The following ADAMTS19 variants were observed in gnomAD, a reference collection of about 807,000 sequenced individuals.
The protein encoded by ADAMTS19 is A disintegrin and metalloproteinase with thrombospondin motifs 19.
ADAMTS19 carries 93 observed loss-of-function variants against 153.3 expected under a neutral mutation model. The ratio of observed to expected loss-of-function variants is 0.61; its 90% CI spans 0.51 to 0.72. The LOEUF is 0.72. Among genes scored for constraint, ADAMTS19 ranks in the 30% least tolerant of loss-of-function variants. The probability of loss-of-function intolerance (pLI) is 0.00; values close to 1 mark genes in which losing one functional copy is unlikely to be tolerated. For missense variants in ADAMTS19, 1,482 were observed against 1,552.1 expected (o/e 0.95, Z 0.76); for synonymous variants, 600 against 556.6 (o/e 1.08, Z -1.10).
intron 7 of ADAMTS19, among the ~76,000 whole-genome samples, chr5:129,588,192 A>T (rs1749916021): frequency 6.6e-6 from 1 of 152,134 alleles, no homozygotes; most frequent in African/African-American, 2.4e-5. Context: ...TTTGATCCAT[A>T]CATTATTTAA....
At chr5:129,582,506 T>C (rs1462653417) in intron 7 of ADAMTS19, among the ~76,000 whole-genome samples, 1 of 152,106 alleles carries the variant, frequency 6.6e-6, no homozygotes, top group Non-Finnish European at 1.5e-5. Context: ...GAGAAGGGTC[T>C]CATGAATACA....
At chr5:129,534,480 A>C (rs1234713443) in intron 6 of ADAMTS19, among the ~76,000 whole-genome samples, 1 of 152,202 alleles carries the variant, frequency 6.6e-6, no homozygotes, top group Non-Finnish European at 1.5e-5. Flanking sequence ...TCACAGCCGA[A>C]TTCTACCAGA....
At chr5:129,622,172 G>C in intron 9 of ADAMTS19, 26 bp from the exon 10 acceptor site, 3 of 1,613,702 alleles carry the variant, frequency 1.9e-6, no homozygotes, top group South Asian at 1.1e-5. Context: ...AAATTCAAAA[G>C]TTTACACATA....
intron 3 of ADAMTS19, among the ~76,000 whole-genome samples, chr5:129,515,635 GA>G: frequency 6.6e-6 from 1 of 151,880 alleles, no homozygotes; most frequent in Non-Finnish European, 1.5e-5. Flanking sequence ...TTTGCATGTT[GA>G]TTTTGTATTC....
intron 10 of ADAMTS19, among the ~76,000 whole-genome samples, chr5:129,623,508 T>C (rs572230393): frequency 6.6e-6 from 1 of 152,316 alleles, no homozygotes; most frequent in East Asian, 1.9e-4. Flanking sequence ...AGTTTGGCTT[T>C]GTTGAGGATA....
At chr5:129,501,492 T>C (rs545920447) in intron 2 of ADAMTS19, among the ~76,000 whole-genome samples, 5 of 152,306 alleles carry the variant, frequency 3.3e-5, no homozygotes, top group African/African-American at 1.2e-4. Flanking sequence ...TGAGGTGTTA[T>C]GCTTGACGTC....
At position 129,549,998 on chromosome 5, in the gene ADAMTS19, C is replaced by T. The variant is rs60398128; in HGVS notation, c.1329-1866C>T. Among the ~76,000 whole-genome samples the T allele has an allele frequency of 3.4e-4, 40 of 118,822 alleles. 1 individual carries two copies. Among genetic ancestry groups the T allele is most frequent in the African/African-American group, 1.2e-3 (39 of 32,046 alleles). The allele number at this position is 118,822 out of a possible 152,430, so 78.0% of individuals were successfully genotyped here. A position where few individuals can be genotyped will look rare whatever the true frequency, so the allele number is the denominator to read the frequency against. On this transcript the variant is annotated intron_variant, in intron 6 of 22. Transcript: ENST00000274487. ...CATATACATGTATCTGTATATGTAT[C>T]TAGATATACATATACATGTATATGT...
At chr5:129,643,963 A>T (rs574435264) in intron 11 of ADAMTS19, among the ~76,000 whole-genome samples, 1 of 152,188 alleles carries the variant, frequency 6.6e-6, no homozygotes, top group Non-Finnish European at 1.5e-5. Context: ...GCCCTCAAAC[A>T]TCACATAGCT....
chr5:129,670,623 C>T (rs566492103), intron 16 of ADAMTS19, among the ~76,000 whole-genome samples: 1 of 152,182 alleles, frequency 6.6e-6, no homozygotes, highest in East Asian at 1.9e-4. Flanking sequence ...AAGTAATTGT[C>T]GTCCATGCAA....
At chr5:129,710,611 G>A (rs1484567636) in intron 21 of ADAMTS19, among the ~76,000 whole-genome samples, 1 of 152,196 alleles carries the variant, frequency 6.6e-6, no homozygotes, top group Non-Finnish European at 1.5e-5. Flanking sequence ...TGGCAAGGCT[G>A]TGGAGAAATA....
chr5:129,596,595 G>T lies in ADAMTS19; in HGVS notation c.1409G>T (p.Arg470Ile), dbSNP rs775405582. 2.5e-6 allele frequency: 4 copies of T among 1,608,440 alleles called. No homozygotes were observed. The highest frequency in any genetic ancestry group is 3.4e-5 in the Admixed American group (2 of 59,094). Reference sequence around the variant, plus strand: ...TTGAGTGGAATGTGTAGTGAAAAGAGAAAATGTATTATTGCTGAAGACAAT... The same window carrying T: ...TTGAGTGGAATGTGTAGTGAAAAGATAAAATGTATTATTGCTGAAGACAAT... ...AYLSGMCSEK[R>I]KCIIAEDNGL... The change falls in exon 8 of 23, where the codon AGA becomes ATA. Residue 470 changes from arginine (R) to isoleucine (I), a missense_variant. Physicochemically the swap from Arg to Ile is moderately conservative, Grantham distance 97 (BLOSUM62 -3). This residue lies in a region of ADAMTS19 where 866 missense variants were observed against 827.7 expected (regional missense o/e 1.05). Coordinates refer to ENST00000274487, the MANE Select transcript of ADAMTS19 (RefSeq NM_133638.6).
chr5:129,543,332 G>A (rs1245605053), intron 6 of ADAMTS19, among the ~76,000 whole-genome samples: 4 of 151,990 alleles, frequency 2.6e-5, no homozygotes, highest in Non-Finnish European at 4.4e-5. Context: ...AATTACAGGC[G>A]TGAGCCACTG....
At chr5:129,500,586 A>T (rs1263336432) in intron 2 of ADAMTS19, 1 of 152,056 alleles carries the variant, frequency 6.6e-6, no homozygotes, top group African/African-American at 2.4e-5. Flanking sequence ...CTATATTTTC[A>T]TCTTTGTTTT....
chr5:129,675,144 C>T (rs151260292), intron 16 of ADAMTS19, among the ~76,000 whole-genome samples: 7 of 152,222 alleles, frequency 4.6e-5, no homozygotes, highest in East Asian at 1.9e-4. Flanking sequence ...CCTGTTTTAA[C>T]GTGCTTTTTT....
chr5:129,665,355 T>A lies in ADAMTS19; in HGVS notation c.2426-144T>A, dbSNP rs980765829. The A allele has an allele frequency of 1.1e-5, 6 of 528,224 alleles. No individual in the cohort carries two copies. In the East Asian group the frequency reaches 2.0e-4, roughly 18 times the overall value. The allele number at this position is 528,224 out of a possible 1,614,324, so 32.7% of individuals were successfully genotyped here. A position where few individuals can be genotyped will look rare whatever the true frequency, so the allele number is the denominator to read the frequency against. On this transcript the variant is annotated intron_variant, in intron 15 of 22. Transcript: ENST00000274487. ...ACTTCACTGGAAATCATGACAGCTT[T>A]TATATATAAAAATTTTTCTTTACGT...
chr5:129,732,963 C>G (rs1348162893), intron 21 of ADAMTS19, among the ~76,000 whole-genome samples: 1 of 151,860 alleles, frequency 6.6e-6, no homozygotes, highest in African/African-American at 2.4e-5. Context: ...TATAGATACA[C>G]AGATCAAGGG....
At chr5:129,481,233 G>T (rs560812864) in intron 2 of ADAMTS19, among the ~76,000 whole-genome samples, 4 of 152,156 alleles carry the variant, frequency 2.6e-5, no homozygotes, top group Non-Finnish European at 5.9e-5. Context: ...TTCTTCACAA[G>T]GTGGCAGGAG....
At chr5:129,599,539 A>G (rs1750544481) in intron 8 of ADAMTS19, among the ~76,000 whole-genome samples, 1 of 152,192 alleles carries the variant, frequency 6.6e-6, no homozygotes, top group Non-Finnish European at 1.5e-5. Context: ...GTTTAAAACC[A>G]GATATGCAAA....
At position 129,461,472 on chromosome 5, in the gene ADAMTS19, G is replaced by T. The variant is rs1749658080; in HGVS notation, c.462G>T (p.Pro154=). 5 of 1,466,314 alleles carry T rather than the reference G, an allele frequency of 3.4e-6. No homozygotes were observed. The highest frequency in any genetic ancestry group is 3.6e-6 in the Non-Finnish European group (4 of 1,118,020). The allele number at this position is 1,466,314 out of a possible 1,614,324, so 90.8% of individuals were successfully genotyped here. The change falls in exon 2 of 23, where the codon CCG becomes CCT. Residue 154 remains proline (P), a synonymous_variant. Coordinates refer to ENST00000274487, the MANE Select transcript of ADAMTS19 (RefSeq NM_133638.6). This position sits in a 1 kb window ranked among gnomAD's most constrained non-coding sequence, Gnocchi z 4.6. Reference sequence around the variant, plus strand: ...GGCAGCCGCCGCCTCCCCCGCAGCCGCCCCCGTCCCCGCCCCCGGCCCAGC... The same window carrying T: ...GGCAGCCGCCGCCTCCCCCGCAGCCTCCCCCGTCCCCGCCCCCGGCCCAGC... The part of the protein sequence containing the change: ...ASWQPPPPPQ[P]PPSPPPAQHA...
Sources: allele counts gnomAD v4.1 joint callset (sites outside exome capture counted in the v4.1 genomes callset), GRCh38; gene constraint gnomAD v4.1.1; regional missense constraint gnomAD v4.1.1; non-coding constraint Gnocchi (gnomAD v3.1); transcripts MANE v1.5; gene names NCBI Gene and HGNC (gene_info 2026-07-23, HGNC 2026-07-21).